Variants in UBAP2 observed in about 807,000 individuals in gnomAD.
UBAP2 encodes ubiquitin associated protein 2, also known as ubiquitin-associated protein 2.
UBAP2 carries 75 observed loss-of-function variants against 139.6 expected under a neutral mutation model. The observed-to-expected ratio is 0.54, with a 90% CI of 0.45 to 0.65. The LOEUF is 0.65. UBAP2 is among the 30% of genes least tolerant of loss of function. UBAP2 has a pLI of 0.00. For synonymous variants in UBAP2, 526 were observed against 526.2 expected, an observed-to-expected ratio of 1.00 and a Z score of 0.01; for missense variants, 1,368 against 1,369.6, an observed-to-expected ratio of 1.00 and a Z score of 0.02.
chr9:34,048,196 T>C (rs1827781442), intron 1 of UBAP2, among the ~76,000 whole-genome samples: 1 of 152,210 alleles, frequency 6.6e-6, no homozygotes, highest in Admixed American at 6.5e-5. Context: ...AGAGAGAGCT[T>C]TGCCGTTTAC....
chr9:33,973,339 T>C, intron 6 of UBAP2, 102 bp from the exon 7 acceptor site: 1 of 1,266,198 alleles, frequency 7.9e-7, no homozygotes, highest in Non-Finnish European at 1.1e-6. Context: ...ATATTATCAT[T>C]ATTCCTAGTA....
chr9:34,027,433 C>T (rs1825496410), intron 1 of UBAP2, among the ~76,000 whole-genome samples: 1 of 151,724 alleles, frequency 6.6e-6, no homozygotes, highest in Admixed American at 6.6e-5. Context: ...ACAAAAGAAT[C>T]TGGCCTGGCA....
intron 6 of UBAP2, among the ~76,000 whole-genome samples, chr9:33,985,941 A>T (rs143452486): frequency 2.7e-4 from 40 of 149,442 alleles, no homozygotes; most frequent in African/African-American, 9.5e-4. Context: ...GGATTGTTTG[A>T]GCCCAGGAGG....
intron 6 of UBAP2, among the ~76,000 whole-genome samples, chr9:33,984,498 TA>T (rs1041499858): frequency 6.6e-4 from 95 of 144,988 alleles, no homozygotes; most frequent in Middle Eastern, 3.4e-3. Context: ...CCCCATCTCT[TA>T]AAAAAAAAAT....
At position 34,005,147 on chromosome 9, in the gene UBAP2, C is replaced by T. The variant is rs530116897; in HGVS notation, c.100-6283G>A. On this transcript the variant is annotated intron_variant, in intron 2 of 28. Coordinates refer to ENST00000379238, the MANE Select transcript of UBAP2 (RefSeq NM_001370062.2). ...GCGTGGTGGCACGAGCCTGAAATCC[C>T]AACTACTCAGGAGGTTGAGGCACAA... 2.7e-4 allele frequency among the ~76,000 whole-genome samples: 41 copies of T among 151,524 alleles called. 1 individual carries two copies. Among genetic ancestry groups the T allele is most frequent in the Non-Finnish European group, 5.9e-4 (40 of 67,934 alleles).
intron 1 of UBAP2, among the ~76,000 whole-genome samples, chr9:34,044,385 A>G (rs192763690): frequency 2.0e-5 from 3 of 150,992 alleles, no homozygotes; most frequent in Admixed American, 2.0e-4. Flanking sequence ...TGGGCAAGAG[A>G]GCAAGACTCT....
rs1189293256 is a variant in UBAP2, at chr9:34,042,896, A to C, written c.-42+5929T>G. ...AGACCAGCCTGGGCAACATAGCAAGACTCCTCTCTACAAAAAGAAAAATTA... is the reference window on the plus strand; with the variant it reads ...AGACCAGCCTGGGCAACATAGCAAGCCTCCTCTCTACAAAAAGAAAAATTA... On this transcript the variant is annotated intron_variant, in intron 1 of 28. Transcript: ENST00000379238. Among the ~76,000 whole-genome samples the C allele has an allele frequency of 4.6e-5, 7 of 151,800 alleles. 1 individual carries two copies. The highest frequency in any genetic ancestry group is 4.6e-4 in the Admixed American group (7 of 15,200).
rs375029814 is a variant in UBAP2, at chr9:33,926,681, A to G, written c.2464-17T>C. Reference sequence around the variant, plus strand: ...GCCATAGATCTGTGTGAGAACCAGAAAGTGTATTTTAGGAACCACATACCA... The same window carrying G: ...GCCATAGATCTGTGTGAGAACCAGAGAGTGTATTTTAGGAACCACATACCA... On this transcript the variant is annotated splice_polypyrimidine_tract_variant and intron_variant, in intron 21 of 28. Transcript: ENST00000379238. 2 of 1,614,066 alleles carry G rather than the reference A, an allele frequency of 1.2e-6. No individual in the cohort carries two copies. Among genetic ancestry groups the G allele is most frequent in the Non-Finnish European group, 1.7e-6 (2 of 1,180,004 alleles).
intron 1 of UBAP2, among the ~76,000 whole-genome samples, chr9:34,046,426 G>A (rs560458973): frequency 2.6e-5 from 4 of 152,012 alleles, no homozygotes; most frequent in African/African-American, 9.6e-5. Context: ...GGCGGATCAC[G>A]GGGTCAGGAG....
At position 33,956,422 on chromosome 9, in the gene UBAP2, G is replaced by T. The variant is rs936232404; in HGVS notation, c.799-276C>A. On this transcript the variant is annotated intron_variant, in intron 10 of 28. Coordinates refer to ENST00000379238, the MANE Select transcript of UBAP2 (RefSeq NM_001370062.2). ...CAATCTGTGCCTCCTGGGTTCAAGC[G>T]ATCATCTCGCCTCAGCCTCCTGAGT... 2.0e-5 allele frequency among the ~76,000 whole-genome samples: 3 copies of T among 151,276 alleles called. No homozygotes were observed. The Admixed American group carries it at 2.0e-4, about 10-fold the overall frequency.
intron 1 of UBAP2, among the ~76,000 whole-genome samples, chr9:34,039,030 G>A (rs1311747187): frequency 2.0e-5 from 3 of 150,648 alleles, no homozygotes; most frequent in Admixed American, 2.0e-4. Flanking sequence ...GAAGTGAGGA[G>A]CCCCTCCGCC....
chr9:33,969,683 A>G (rs1327776036), intron 8 of UBAP2, among the ~76,000 whole-genome samples: 2 of 137,412 alleles, frequency 1.5e-5, no homozygotes, highest in Non-Finnish European at 3.2e-5. Flanking sequence ...CCTGGCCAAC[A>G]TGGTGAAACC....
intron 5 of UBAP2, among the ~76,000 whole-genome samples, 183 bp downstream of exon 5, chr9:33,988,790 G>A (rs1001106178): frequency 1.3e-5 from 2 of 152,166 alleles, no homozygotes; most frequent in Admixed American, 6.5e-5. Context: ...TTGAGGAAAC[G>A]AATTTATGAG....
At chr9:33,965,598 G>A (rs1827385001) in intron 8 of UBAP2, among the ~76,000 whole-genome samples, 1 of 152,176 alleles carries the variant, frequency 6.6e-6, no homozygotes, top group African/African-American at 2.4e-5. Context: ...TGTAACCTTG[G>A]AGGGTAATTT....
At chr9:33,935,730 T>G in intron 17 of UBAP2, 109 bp downstream of exon 17, 2 of 1,321,598 alleles carry the variant, frequency 1.5e-6, no homozygotes, top group Non-Finnish European at 2.2e-6. Context: ...GGCTGCTTTT[T>G]AACGAATAAG....
At chr9:34,031,877 C>T (rs1825922557) in intron 1 of UBAP2, among the ~76,000 whole-genome samples, 1 of 152,044 alleles carries the variant, frequency 6.6e-6, no homozygotes, top group South Asian at 2.1e-4. Context: ...TGGTTCATGC[C>T]CGTAATCTCA....
chr9:33,929,690 A>G (rs1202690327), intron 19 of UBAP2, among the ~76,000 whole-genome samples: 1 of 152,210 alleles, frequency 6.6e-6, no homozygotes, highest in African/African-American at 2.4e-5. Flanking sequence ...CTGACAAAAA[A>G]AGGAACCAAG....
intron 6 of UBAP2, among the ~76,000 whole-genome samples, chr9:33,982,693 G>A (rs535480764): frequency 1.2e-4 from 18 of 152,192 alleles, no homozygotes; most frequent in African/African-American, 3.6e-4. Flanking sequence ...TAGCATACTT[G>A]CGATTAAGAA....
chr9:33,980,993 C>T (rs1029351260), intron 6 of UBAP2, among the ~76,000 whole-genome samples: 5 of 142,264 alleles, frequency 3.5e-5, no homozygotes, highest in African/African-American at 1.3e-4. Context: ...GTGAGCCACA[C>T]GAAATTTTAT....
Sources: allele counts gnomAD v4.1 joint callset (sites outside exome capture counted in the v4.1 genomes callset), GRCh38; gene constraint gnomAD v4.1.1; transcripts MANE v1.5; gene names NCBI Gene and HGNC (gene_info 2026-07-23, HGNC 2026-07-21).